Variants in LRP1B observed in about 807,000 individuals in gnomAD.
LRP1B encodes low-density lipoprotein receptor-related protein 1B.
In LRP1B, 217 loss-of-function variants were observed where a neutral mutation model predicts 556.6. That is an observed-to-expected ratio of 0.39 (90% CI 0.35 to 0.44). The LOEUF (loss-of-function observed/expected upper bound fraction) is 0.44. Ranked by LOEUF, LRP1B falls within the 20% of genes least tolerant of loss-of-function variation. The pLI is 1.00. For synonymous variants in LRP1B, 2,047 were observed against 1,865.8 expected (o/e 1.10, Z -2.50); for missense variants, 5,053 against 5,620.8 (o/e 0.90, Z 3.23).
intron 49 of LRP1B, among the ~76,000 whole-genome samples, chr2:140,517,338 G>T (rs562561462): frequency 6.6e-6 from 1 of 152,064 alleles, no homozygotes; most frequent in Admixed American, 6.6e-5. Context: ...AAATAGATAC[G>T]ACTCTAAATT....
At chr2:140,601,166 T>C (rs1456723336) in intron 42 of LRP1B, among the ~76,000 whole-genome samples, 2 of 151,858 alleles carry the variant, frequency 1.3e-5, no homozygotes, top group South Asian at 4.1e-4. Flanking sequence ...TGTATTAAAG[T>C]CTTCTTCATA....
At chr2:141,977,714 G>T (rs1363385755) in intron 1 of LRP1B, among the ~76,000 whole-genome samples, 1 of 152,108 alleles carries the variant, frequency 6.6e-6, no homozygotes, top group Non-Finnish European at 1.5e-5. Context: ...ATCCTAATAT[G>T]TTTCAAAAAG....
chr2:140,934,091 T>C (rs1695133181), intron 20 of LRP1B, among the ~76,000 whole-genome samples: 1 of 152,124 alleles, frequency 6.6e-6, no homozygotes, highest in African/African-American at 2.4e-5. Context: ...ACAGTTTGTA[T>C]TTCATTGAAA....
chr2:141,768,589 T>C (rs2105610148), intron 2 of LRP1B, among the ~76,000 whole-genome samples: 1 of 152,260 alleles, frequency 6.6e-6, no homozygotes, highest in Non-Finnish European at 1.5e-5. Flanking sequence ...CACTGAAAAC[T>C]ATCCATGGCT....
chr2:141,730,308 C>T (rs1039249465), intron 2 of LRP1B, among the ~76,000 whole-genome samples: 10 of 152,086 alleles, frequency 6.6e-5, no homozygotes, highest in South Asian at 2.1e-4. Context: ...GGCACATCCT[C>T]GCTGTCATCA....
At chr2:140,506,126 T>A (rs1348089589) in intron 53 of LRP1B, among the ~76,000 whole-genome samples, 3 of 152,108 alleles carry the variant, frequency 2.0e-5, no homozygotes, top group East Asian at 3.8e-4. Flanking sequence ...ATGTTTTTTT[T>A]ACTCAAATAT....
intron 18 of LRP1B, among the ~76,000 whole-genome samples, chr2:140,953,092 T>A (rs1349633237): frequency 6.6e-6 from 1 of 152,008 alleles, no homozygotes; most frequent in Non-Finnish European, 1.5e-5. Context: ...TTTTTGTTTG[T>A]TTGTTTGTTT....
rs764365593 is a variant in LRP1B at position 140,487,602 on chromosome 2, G to T, written c.9243+15C>A. On this transcript the variant is annotated intron_variant, in intron 58 of 90. Transcript: ENST00000389484. ...TATAATATTCAACAATCCCATCATTGTAATATTTAGTTACCTTAATGTCAC... is the reference window on the plus strand; with the variant it reads ...TATAATATTCAACAATCCCATCATTTTAATATTTAGTTACCTTAATGTCAC... The T allele has an allele frequency of 1.3e-6, 2 of 1,595,846 alleles. No homozygotes were observed. The highest frequency in any genetic ancestry group is 1.3e-5 in the African/African-American group (1 of 74,118).
At chr2:141,814,799 T>C (rs940598739) in intron 1 of LRP1B, among the ~76,000 whole-genome samples, 3 of 152,066 alleles carry the variant, frequency 2.0e-5, no homozygotes, top group African/African-American at 7.2e-5. Context: ...CTAAAAGAAG[T>C]TAGTGAAAAA....
chr2:141,644,357 C>T (rs1239118485), intron 2 of LRP1B, among the ~76,000 whole-genome samples: 1 of 152,032 alleles, frequency 6.6e-6, no homozygotes, highest in African/African-American at 2.4e-5. Context: ...AGATCTCTCT[C>T]TTGCTGCCCC....
intron 43 of LRP1B, among the ~76,000 whole-genome samples, chr2:140,559,767 A>AG (rs1383914490): frequency 6.6e-6 from 1 of 151,910 alleles, no homozygotes; most frequent in African/African-American, 2.4e-5. Flanking sequence ...ATTGAAAAAA[A>AG]AAAACCAAGT....
intron 2 of LRP1B, among the ~76,000 whole-genome samples, chr2:141,531,124 T>C (rs1334399937): frequency 6.6e-6 from 1 of 152,138 alleles, no homozygotes; most frequent in Non-Finnish European, 1.5e-5. Flanking sequence ...TGAATGTATC[T>C]GCATTGGATA....
At chr2:141,229,938 A>G (rs1683395044) in intron 5 of LRP1B, among the ~76,000 whole-genome samples, 1 of 152,194 alleles carries the variant, frequency 6.6e-6, no homozygotes, top group African/African-American at 2.4e-5. Flanking sequence ...ACCAACCCCA[A>G]GAGCCAAACA....
chr2:141,134,112 CA>C (rs1229050554), intron 7 of LRP1B, among the ~76,000 whole-genome samples: 54 of 151,908 alleles, frequency 3.6e-4, no homozygotes, highest in African/African-American at 1.3e-3. Context: ...GCCCACCCTC[CA>C]ACATATATCC....
chr2:141,766,684 G>T (rs1364802811), intron 2 of LRP1B, among the ~76,000 whole-genome samples: 2 of 152,120 alleles, frequency 1.3e-5, no homozygotes, highest in Non-Finnish European at 2.9e-5. Context: ...GACCTGCTTG[G>T]ATGATTACAA....
rs201413368 is a variant in LRP1B at position 140,960,160 on chromosome 2, A to AGGCTT, written c.2888-8221_2888-8220insAAGCC. On this transcript the variant is annotated intron_variant, in intron 18 of 90. Transcript: ENST00000389484. ...CTGATATCTTGACTCTGCTCAGGCTACCCAGGCAATTGCCTTTTATTTTTC... is the reference window on the plus strand; with the variant it reads ...CTGATATCTTGACTCTGCTCAGGCTAGGCTTCCCAGGCAATTGCCTTTTATTTTTC... Among the ~76,000 whole-genome samples the AGGCTT allele has an allele frequency of 5.6e-3, 843 of 151,824 alleles. 20 individuals carry two copies. Among genetic ancestry groups the AGGCTT allele is most frequent in the South Asian group, 0.053 (254 of 4,816 alleles).
intron 1 of LRP1B, among the ~76,000 whole-genome samples, chr2:141,947,798 A>AT (rs761618249): frequency 3.4e-5 from 4 of 116,784 alleles, no homozygotes; most frequent in East Asian, 2.8e-4. Flanking sequence ...GGCAAGAAAA[A>AT]TTTTTTTTTA....
intron 70 of LRP1B, 59 bp from the exon 71 acceptor site, chr2:140,370,901 C>A (rs1187472962): frequency 1.3e-6 from 2 of 1,553,560 alleles, no homozygotes; most frequent in Non-Finnish European, 1.8e-6. Context: ...CAATCATGGG[C>A]AAAATAAACA....
Position 141,872,514 on chromosome 2 carries a change from A to G in LRP1B, c.83-62113T>C, listed in dbSNP as rs544071851. ...ACATATGTAAAATTGGTTTCCTTAA[A>G]GAAAACAAAAGATAGAATTAATATT... On this transcript the variant is annotated intron_variant, in intron 1 of 90. Coordinates refer to ENST00000389484, the MANE Select transcript of LRP1B (RefSeq NM_018557.3). Among the ~76,000 whole-genome samples, 3 of 152,062 alleles carry G rather than the reference A, an allele frequency of 2.0e-5. No homozygotes were observed. In the South Asian group the frequency reaches 6.2e-4, roughly 31 times the overall value.
Sources: gnomAD v4.1 joint callset for allele counts (sites outside exome capture counted in the v4.1 genomes callset) on GRCh38, gnomAD v4.1.1 for gene constraint, MANE v1.5 for transcripts, NCBI Gene and HGNC (gene_info 2026-07-23, HGNC 2026-07-21) for gene names.